The following DPP10 variants were observed in gnomAD, a reference collection of about 807,000 sequenced individuals.
DPP10 encodes the protein dipeptidyl peptidase like 10.
In DPP10, 33 loss-of-function variants were observed where a neutral mutation model predicts 120.9. That is an observed-to-expected ratio of 0.27 (90% CI 0.21 to 0.37). The LOEUF (loss-of-function observed/expected upper bound fraction) is 0.37, where lower values mean the gene tolerates loss of function less well. Ranked by LOEUF, DPP10 falls within the 10% of genes least tolerant of loss-of-function variation. The pLI is 1.00. For missense variants in DPP10, 816 were observed against 942.8 expected (o/e 0.87, Z 1.76); for synonymous variants, 337 against 326.1 (o/e 1.03, Z -0.36).
At chr2:115,596,116 A>G (rs1418320631) in intron 5 of DPP10, among the ~76,000 whole-genome samples, 2 of 152,204 alleles carry the variant, frequency 1.3e-5, no homozygotes, top group Non-Finnish European at 2.9e-5. Flanking sequence ...CTATTTGTTT[A>G]GAGCCTAGAA....
At chr2:115,468,934 C>T (rs796521089) in intron 3 of DPP10, 7 of 300,834 alleles carry the variant, frequency 2.3e-5, no homozygotes, top group South Asian at 2.0e-4. Flanking sequence ...GCTGAGTGGT[C>T]TTAAGCTGTT....
At chr2:114,909,876 C>T (rs991359367) in intron 1 of DPP10, among the ~76,000 whole-genome samples, 52 of 151,912 alleles carry the variant, frequency 3.4e-4, no homozygotes, top group African/African-American at 1.2e-3. Flanking sequence ...CAGCAGGAAA[C>T]ATCTAAAAAA....
chr2:115,038,385 C>T (rs1053596092), intron 1 of DPP10, among the ~76,000 whole-genome samples: 19 of 152,052 alleles, frequency 1.2e-4, no homozygotes, highest in African/African-American at 4.6e-4. Flanking sequence ...ATTCTCCTGC[C>T]TCAGCCTCCA....
At chr2:114,955,793 C>A in intron 1 of DPP10, among the ~76,000 whole-genome samples, 1 of 152,058 alleles carries the variant, frequency 6.6e-6, no homozygotes, top group African/African-American at 2.4e-5. Flanking sequence ...GTTCAACACA[C>A]AAAAATCTAT....
At chr2:114,964,037 C>G (rs1342937982) in intron 1 of DPP10, among the ~76,000 whole-genome samples, 1 of 152,052 alleles carries the variant, frequency 6.6e-6, no homozygotes, top group African/African-American at 2.4e-5. Context: ...TACTAAGAAC[C>G]CACCCATAGA....
At chr2:115,340,345 C>A (rs2063383013) in intron 2 of DPP10, among the ~76,000 whole-genome samples, 1 of 151,712 alleles carries the variant, frequency 6.6e-6, no homozygotes, top group Admixed American at 6.6e-5. Context: ...GCACTAAATT[C>A]AATTGGAAGG....
At chr2:114,845,843 T>C (rs746462433) in intron 1 of DPP10, among the ~76,000 whole-genome samples, 1 of 152,198 alleles carries the variant, frequency 6.6e-6, no homozygotes, top group African/African-American at 2.4e-5. Context: ...AAATGTATAG[T>C]AGTTTAAGGT....
At chr2:115,484,826 G>A (rs899512749) in intron 3 of DPP10, among the ~76,000 whole-genome samples, 1 of 152,108 alleles carries the variant, frequency 6.6e-6, no homozygotes, top group African/African-American at 2.4e-5. Flanking sequence ...GCAATAAATA[G>A]TCCTTTAGTT....
chr2:115,338,654 G>A (rs919259527), intron 2 of DPP10, among the ~76,000 whole-genome samples: 2 of 151,896 alleles, frequency 1.3e-5, no homozygotes, highest in Non-Finnish European at 2.9e-5. Flanking sequence ...TCAAGCTAAT[G>A]AAATAATTCA....
chr2:114,995,207 T>C (rs958849286), intron 1 of DPP10, among the ~76,000 whole-genome samples: 1 of 152,196 alleles, frequency 6.6e-6, no homozygotes, highest in Non-Finnish European at 1.5e-5. Context: ...ATCTCAGCCG[T>C]GGCCATCCTG....
chr2:115,023,046 T>G (rs1287033201), intron 1 of DPP10, among the ~76,000 whole-genome samples: 1 of 152,012 alleles, frequency 6.6e-6, no homozygotes, highest in African/African-American at 2.4e-5. Context: ...CCAGAAAGAT[T>G]CTAGAAGATA....
intron 1 of DPP10, among the ~76,000 whole-genome samples, chr2:114,713,995 G>T (rs138635906): frequency 0.013 from 1,867 of 148,916 alleles, 48 homozygotes; most frequent in African/African-American, 0.044. Flanking sequence ...AAAAAAAAAA[G>T]AAAAAAATAA....
chr2:114,841,577 A>G (rs2106449977), intron 1 of DPP10, among the ~76,000 whole-genome samples: 1 of 152,206 alleles, frequency 6.6e-6, no homozygotes, highest in Middle Eastern at 3.4e-3. Context: ...TTTCCAGCCA[A>G]GTTATGGATT....
intron 1 of DPP10, chr2:114,707,063 G>A (rs1169587724): frequency 6.6e-6 from 1 of 152,164 alleles, no homozygotes. Context: ...ATGCCACACA[G>A]ATGTGGGGCT....
chr2:115,468,238 C>T (rs1223106398), intron 3 of DPP10: 17 of 503,778 alleles, frequency 3.4e-5, no homozygotes, highest in Non-Finnish European at 4.8e-5. Context: ...TTCTGCTGAC[C>T]GCTCGTGTCA....
At chr2:115,386,032 T>G (rs574831167) in intron 3 of DPP10, among the ~76,000 whole-genome samples, 1 of 152,344 alleles carries the variant, frequency 6.6e-6, no homozygotes, top group East Asian at 1.9e-4. Flanking sequence ...TAAATTTATT[T>G]TTAAGTGTTT....
At chr2:115,556,662 T>G (rs918297414) in intron 5 of DPP10, among the ~76,000 whole-genome samples, 3 of 152,146 alleles carry the variant, frequency 2.0e-5, no homozygotes, top group African/African-American at 7.2e-5. Flanking sequence ...CATTACACAC[T>G]CTCATACTGT....
intron 1 of DPP10, among the ~76,000 whole-genome samples, chr2:114,572,329 C>T (rs1314647423): frequency 1.3e-5 from 2 of 152,100 alleles, no homozygotes; most frequent in Non-Finnish European, 2.9e-5. Context: ...ATGAAGCAAA[C>T]TCACCAAAAC....
intron 1 of DPP10, among the ~76,000 whole-genome samples, chr2:115,152,110 T>C (rs1329857455): frequency 5.9e-5 from 9 of 152,216 alleles, no homozygotes; most frequent in Admixed American, 2.0e-4. Context: ...GAGCATGACA[T>C]TTTTTGGCAG....
Sources: allele counts gnomAD v4.1 joint callset (sites outside exome capture counted in the v4.1 genomes callset), GRCh38; gene constraint gnomAD v4.1.1; transcripts MANE v1.5; gene names NCBI Gene and HGNC (gene_info 2026-07-23, HGNC 2026-07-21).